The following NFATC2 variants were observed in gnomAD, a reference collection of about 807,000 sequenced individuals.
NFATC2 encodes nuclear factor of activated T-cells, cytoplasmic 2.
Under a neutral mutation model 87.3 loss-of-function variants are expected in NFATC2, and 22 were observed. That is an observed-to-expected ratio of 0.25 (90% CI 0.18 to 0.36). The LOEUF (loss-of-function observed/expected upper bound fraction) is 0.36. Among genes scored for constraint, NFATC2 ranks in the 10% least tolerant of loss-of-function variants. The probability of loss-of-function intolerance (pLI) is 1.00; values close to 1 mark genes in which losing one functional copy is unlikely to be tolerated. For synonymous variants in NFATC2, 565 were observed against 542.2 expected (o/e 1.04, Z -0.58); for missense variants, 1,149 against 1,259.1 (o/e 0.91, Z 1.32).
chr20:51,488,047 T>C (rs564397611), intron 3 of NFATC2, among the ~76,000 whole-genome samples: 2 of 152,198 alleles, frequency 1.3e-5, no homozygotes, highest in South Asian at 4.2e-4. Flanking sequence ...CCCGTTCTTA[T>C]GTGGAGCGTA....
At chr20:51,483,101 T>C (rs777604856) in intron 3 of NFATC2, among the ~76,000 whole-genome samples, 1 of 152,198 alleles carries the variant, frequency 6.6e-6, no homozygotes, top group Non-Finnish European at 1.5e-5. Flanking sequence ...GCGTGCCCGT[T>C]CTGCCTGTGG....
At chr20:51,509,059 G>A (rs1184417812) in intron 3 of NFATC2, among the ~76,000 whole-genome samples, 2 of 151,680 alleles carry the variant, frequency 1.3e-5, no homozygotes, top group Non-Finnish European at 2.9e-5. Flanking sequence ...TCCCACACAG[G>A]CCTCCTCTCT....
At chr20:51,412,043 C>A (rs1311623973) in intron 9 of NFATC2, among the ~76,000 whole-genome samples, 1 of 152,028 alleles carries the variant, frequency 6.6e-6, no homozygotes, top group Non-Finnish European at 1.5e-5. Flanking sequence ...AGGAGGGAGC[C>A]CTAACCCCAT....
At chr20:51,558,479 T>A (rs981037953) in intron 1 of NFATC2, among the ~76,000 whole-genome samples, 3 of 151,762 alleles carry the variant, frequency 2.0e-5, no homozygotes, top group Non-Finnish European at 4.4e-5. Context: ...AGGCATTGGT[T>A]TTTTTGGGGG....
Position 51,542,502 on chromosome 20 carries a change from C to A in NFATC2, c.-3G>T, listed in dbSNP as rs769763861. On this transcript the variant is annotated 5_prime_UTR_variant, in exon 1 of 11. Coordinates refer to ENST00000371564, the MANE Select transcript of NFATC2 (RefSeq NM_012340.5). ...GGCTGCCGCTCGGGGGCGTTCATGG[C>A]GCGCAGGGCGGGAAGGCTGCGGGGC... is the stretch of plus-strand genomic sequence containing the variant. 34 of 1,483,516 alleles carry A rather than the reference C, an allele frequency of 2.3e-5. No individual in the cohort carries two copies. The highest frequency in any genetic ancestry group is 5.5e-5 in the Admixed American group (2 of 36,618). 91.9% of individuals were successfully genotyped at this position (1,483,516 alleles called of 1,614,324 possible). A position where few individuals can be genotyped will look rare whatever the true frequency, so the allele number is the denominator to read the frequency against.
chr20:51,400,795 G>A (rs893831628), intron 9 of NFATC2, among the ~76,000 whole-genome samples: 2 of 151,958 alleles, frequency 1.3e-5, no homozygotes, highest in Non-Finnish European at 2.9e-5. Context: ...CATTTCTCAG[G>A]TCAAGTTAGT....
Position 51,542,459 on chromosome 20 carries a change from TC to T in NFATC2, c.40del (p.Asp14ThrfsTer26). 2 of 1,570,640 alleles carry T rather than the reference TC, an allele frequency of 1.3e-6. No individual in the cohort carries two copies. The highest frequency in any genetic ancestry group is 3.8e-5 in the Admixed American group (2 of 53,104). The part of the protein sequence containing the change: ...PERQPQPDGG[D>X]APGHEPGGSP... ...GCCCCCAGGCTCGTGGCCTGGGGCGTCCCCGCCGTCGGGTTGGGGCTGCCGC... is the reference window on the plus strand; with the variant it reads ...GCCCCCAGGCTCGTGGCCTGGGGCGTCCCGCCGTCGGGTTGGGGCTGCCGC... On this transcript the variant is annotated frameshift_variant, in exon 1 of 11. Transcript: ENST00000371564. LOFTEE classifies it high-confidence loss of function.
chr20:51,483,608 C>A (rs562219056), intron 3 of NFATC2, among the ~76,000 whole-genome samples: 8 of 148,964 alleles, frequency 5.4e-5, no homozygotes, highest in Non-Finnish European at 1.2e-4. Flanking sequence ...CCACCCTCTC[C>A]CCCCCACCAC....
At chr20:51,402,151 A>G (rs1329498923) in intron 9 of NFATC2, among the ~76,000 whole-genome samples, 1 of 152,210 alleles carries the variant, frequency 6.6e-6, no homozygotes, top group Non-Finnish European at 1.5e-5. Flanking sequence ...ACATCAACTT[A>G]CAATCTACGG....
intron 10 of NFATC2, among the ~76,000 whole-genome samples, chr20:51,395,799 A>C (rs1356734973): frequency 6.6e-6 from 1 of 152,048 alleles, no homozygotes; most frequent in African/African-American, 2.4e-5. Context: ...TATTCTAATA[A>C]AAATGGCTAT....
At chr20:51,530,647 G>T (rs540047322) in intron 1 of NFATC2, among the ~76,000 whole-genome samples, 1 of 152,286 alleles carries the variant, frequency 6.6e-6, no homozygotes, top group African/African-American at 2.4e-5. Flanking sequence ...AGCAGGGATG[G>T]GGGATTCAGA....
intron 9 of NFATC2, among the ~76,000 whole-genome samples, chr20:51,431,145 T>C (rs986716727): frequency 2.6e-5 from 4 of 152,108 alleles, no homozygotes; most frequent in Admixed American, 6.5e-5. Context: ...ACCCCACAAA[T>C]ATATATACCT....
At position 51,480,016 on chromosome 20, in the gene NFATC2, GGTGGCTCGTGCCT is replaced by G. The variant is rs1436926264; in HGVS notation, c.1333-4369_1333-4357del. Among the ~76,000 whole-genome samples, 1 of 152,160 alleles carries G rather than the reference GGTGGCTCGTGCCT, an allele frequency of 6.6e-6. No homozygotes were observed. Among genetic ancestry groups the G allele is most frequent in the Non-Finnish European group, 1.5e-5 (1 of 68,030 alleles). On this transcript the variant is annotated intron_variant, in intron 3 of 10. Transcript: ENST00000371564. This position sits in a 1 kb window ranked among gnomAD's most constrained non-coding sequence, Gnocchi z 4.2. ...GAATGTGCTTCCTGGGGCCAGGCGC[GGTGGCTCGTGCCT>G]GTAATCCCAGCACTTTGGGAGGCTG... is the stretch of plus-strand genomic sequence containing the variant.
At position 51,542,359 on chromosome 20, in the gene NFATC2, C is replaced by T; in HGVS notation, c.130+11G>A. 2 of 1,603,798 alleles carry T rather than the reference C, an allele frequency of 1.2e-6. No individual in the cohort carries two copies. Among genetic ancestry groups the T allele is most frequent in the Non-Finnish European group, 1.7e-6 (2 of 1,174,932 alleles). ...GGCTCAGGGGCCAGGCCAGGGGTAG[C>T]CTCCACCGACCTTCGTTCGGATTCA... On this transcript the variant is annotated intron_variant, in intron 1 of 10. Coordinates refer to ENST00000371564, the MANE Select transcript of NFATC2 (RefSeq NM_012340.5).
intron 5 of NFATC2, 92 bp from the exon 6 acceptor site, chr20:51,454,780 C>T: frequency 7.2e-7 from 1 of 1,382,258 alleles, no homozygotes; most frequent in Non-Finnish European, 9.9e-7. Flanking sequence ...ATATGACATG[C>T]TCTGCCCACC....
Position 51,432,661 on chromosome 20 carries a change from G to T in NFATC2, c.2128C>A (p.Gln710Lys). 6.4e-7 allele frequency: 1 copy of T among 1,560,664 alleles called. No homozygotes were observed. Among genetic ancestry groups the T allele is most frequent in the Admixed American group, 1.9e-5 (1 of 53,168 alleles). Reference protein sequence around the residue: ...GGLGSQPYYPQHPMVAESPSC... With the variant: ...GGLGSQPYYPKHPMVAESPSC... Reference sequence around the variant, plus strand: ...GGGGACTCGGCCACCATCGGGTGCTGGGGGTAGTAAGGCTGGCTCCCCAGG... The same window carrying T: ...GGGGACTCGGCCACCATCGGGTGCTTGGGGTAGTAAGGCTGGCTCCCCAGG... Residue 710 changes from glutamine (Q) to lysine (K), a missense_variant, in exon 9 of 11, where the codon CAG becomes AAG. This residue lies in a region of NFATC2 where 581 missense variants were observed against 649.7 expected (regional missense o/e 0.89). Transcript: ENST00000371564. This position sits in a 1 kb window ranked among gnomAD's most constrained non-coding sequence, Gnocchi z 4.6.
Position 51,398,721 on chromosome 20 carries a change from T to G in NFATC2, c.2732A>C (p.Asp911Ala). Residue 911 changes from aspartate to alanine, a missense_variant, in exon 10 of 11, where the codon GAC becomes GCC. Physicochemically the swap from Asp to Ala is moderately radical, Grantham distance 126. Around this residue, in one of 3 missense-constraint regions of NFATC2, gnomAD observed 581 missense variants for 649.7 expected, o/e 0.89. Coordinates refer to ENST00000371564, the MANE Select transcript of NFATC2 (RefSeq NM_012340.5). ...GTTTTGTATCCAGCTAAGGTGTGTG[T>G]CTATCAGCTCTGAAAAAGATTTGCA... ...DQTYLDDELI[D>A]THLSWIQNIL The G allele has an allele frequency of 6.2e-7, 1 of 1,611,124 alleles. No individual in the cohort carries two copies. Among genetic ancestry groups the G allele is most frequent in the Non-Finnish European group, 8.5e-7 (1 of 1,177,868 alleles).
intron 6 of NFATC2, among the ~76,000 whole-genome samples, chr20:51,450,727 G>A (rs1056565813): frequency 6.6e-6 from 1 of 152,190 alleles, no homozygotes; most frequent in African/African-American, 2.4e-5. Context: ...CAGCTTAGAT[G>A]AGACCACACA....
At chr20:51,533,082 T>A (rs1363575707) in intron 1 of NFATC2, among the ~76,000 whole-genome samples, 1 of 152,114 alleles carries the variant, frequency 6.6e-6, no homozygotes, top group Non-Finnish European at 1.5e-5. Flanking sequence ...GCACTTAGGA[T>A]GCCACAGCTG....
Sources: gnomAD v4.1 joint callset for allele counts (sites outside exome capture counted in the v4.1 genomes callset) on GRCh38, gnomAD v4.1.1 for gene constraint, gnomAD v4.1.1 regional missense constraint, Gnocchi (gnomAD v3.1) non-coding constraint, MANE v1.5 for transcripts, NCBI Gene and HGNC (gene_info 2026-07-23, HGNC 2026-07-21) for gene names.